LRRC49: variants seen among roughly 807,000 people sequenced by gnomAD.
The protein encoded by LRRC49 is leucine rich repeat containing 49, also known as leucine-rich repeat-containing protein 49.
Under a neutral mutation model 83.3 loss-of-function variants are expected in LRRC49, and 50 were observed. That is an observed-to-expected ratio of 0.60 (90% CI 0.48 to 0.76). The LOEUF (loss-of-function observed/expected upper bound fraction) is 0.76, where lower values mean the gene tolerates loss of function less well. Ranked by LOEUF, LRRC49 falls within the 30% of genes least tolerant of loss-of-function variation. The probability of loss-of-function intolerance (pLI) is 0.00; values close to 1 mark genes in which losing one functional copy is unlikely to be tolerated. For synonymous variants in LRRC49, 286 were observed against 283.3 expected (o/e 1.01, Z -0.10); for missense variants, 704 against 809.1 (o/e 0.87, Z 1.58).
In LRRC49 at chr15:70,902,979, C is replaced by T. The variant is rs373094668; in HGVS notation, c.297-1573C>T. ...GAGCCTTGGCACTGGGACTTAACCACTGTGTTTAGAATCAGAGAAAGTGAC... is the reference window on the plus strand; with the variant it reads ...GAGCCTTGGCACTGGGACTTAACCATTGTGTTTAGAATCAGAGAAAGTGAC... On this transcript the variant is annotated intron_variant, in intron 4 of 15. Coordinates refer to ENST00000260382, the MANE Select transcript of LRRC49 (RefSeq NM_017691.5). Among the ~76,000 whole-genome samples, 31 of 152,190 alleles carry T rather than the reference C, an allele frequency of 2.0e-4. 1 individual carries two copies. The South Asian group carries it at 6.2e-3, about 31-fold the overall frequency.
intron 12 of LRRC49, among the ~76,000 whole-genome samples, chr15:71,009,407 G>A (rs963256018): frequency 4.6e-5 from 7 of 151,772 alleles, no homozygotes; most frequent in African/African-American, 1.7e-4. Context: ...GAAAATTGTG[G>A]GGGCCTGTAT....
At chr15:70,952,564 C>T (rs1438691063) in intron 8 of LRRC49, among the ~76,000 whole-genome samples, 2 of 152,064 alleles carry the variant, frequency 1.3e-5, no homozygotes, top group Non-Finnish European at 2.9e-5. Flanking sequence ...TGTAGTCAGT[C>T]AGAGTATGTG....
chr15:71,008,967 G>A (rs1162648370), intron 12 of LRRC49, among the ~76,000 whole-genome samples: 1 of 151,802 alleles, frequency 6.6e-6, no homozygotes, highest in Non-Finnish European at 1.5e-5. Context: ...TATATTTACT[G>A]TATAATTTTT....
chr15:70,882,214 T>C (rs528670818), intron 2 of LRRC49: 10 of 382,720 alleles, frequency 2.6e-5, no homozygotes, highest in African/African-American at 8.3e-5. Flanking sequence ...GTAACCTGAT[T>C]TCTACCAAAA....
At chr15:70,894,656 C>T (rs1342344761) in intron 2 of LRRC49, 2 of 1,279,694 alleles carry the variant, frequency 1.6e-6, no homozygotes, top group African/African-American at 3.1e-5. Flanking sequence ...AAACCTCTAA[C>T]CATCACAATT....
At chr15:70,892,565 A>C, upstream of LRRC49, 2 of 1,490,778 alleles carry the variant, frequency 1.3e-6, no homozygotes, top group South Asian at 1.3e-5. Flanking sequence ...CGTAAAGAGG[A>C]ACGGACCGGA....
intron 9 of LRRC49, among the ~76,000 whole-genome samples, chr15:70,971,314 T>A (rs763537732): frequency 1.2e-4 from 19 of 152,204 alleles, no homozygotes; most frequent in Admixed American, 3.3e-4. Context: ...TAATCCTGAG[T>A]TCTAACGTGA....
At chr15:71,018,578 A>C (rs1397262015) in intron 14 of LRRC49, among the ~76,000 whole-genome samples, 2 of 152,164 alleles carry the variant, frequency 1.3e-5, no homozygotes, top group African/African-American at 2.4e-5. Context: ...AACCGAACTT[A>C]CTTTTCCTGC....
intron 15 of LRRC49, among the ~76,000 whole-genome samples, chr15:71,043,276 A>G (rs1355899153): frequency 5.9e-5 from 9 of 152,216 alleles, no homozygotes; most frequent in Admixed American, 3.3e-4. Flanking sequence ...AAATTGCTCT[A>G]TAACAAACCC....
chr15:70,928,355 C>G (rs1342659507), intron 7 of LRRC49, among the ~76,000 whole-genome samples: 1 of 152,044 alleles, frequency 6.6e-6, no homozygotes, highest in Non-Finnish European at 1.5e-5. Flanking sequence ...AGAGCTCTTT[C>G]AGTAATAAAC....
At chr15:70,948,991 G>C (rs940235779) in intron 8 of LRRC49, among the ~76,000 whole-genome samples, 1 of 152,142 alleles carries the variant, frequency 6.6e-6, no homozygotes, top group Non-Finnish European at 1.5e-5. Context: ...ATATGTAAAT[G>C]AATGGGCAGA....
chr15:71,034,792 A>C (rs952098119), intron 14 of LRRC49, among the ~76,000 whole-genome samples: 2 of 152,200 alleles, frequency 1.3e-5, no homozygotes, highest in Non-Finnish European at 2.9e-5. Context: ...CTAACACAGG[A>C]ACAGACAACC....
At chr15:71,013,014 A>G (rs888003381) in intron 14 of LRRC49, 101 bp downstream of exon 14, 1 of 736,210 alleles carries the variant, frequency 1.4e-6, no homozygotes, top group Non-Finnish European at 2.3e-6. Flanking sequence ...GTGTTCCATA[A>G]ACATGTATCC....
intron 8 of LRRC49, among the ~76,000 whole-genome samples, chr15:70,945,250 G>A (rs898839042): frequency 5.3e-5 from 8 of 152,170 alleles, no homozygotes; most frequent in African/African-American, 1.9e-4. Context: ...GCAGAAAGCC[G>A]AGATGAACGT....
At chr15:70,906,098 CTTT>C (rs976292654) in intron 5 of LRRC49, among the ~76,000 whole-genome samples, 3 of 130,830 alleles carry the variant, frequency 2.3e-5, no homozygotes, top group African/African-American at 2.8e-5. Context: ...ATTTTTTTTT[CTTT>C]TTTTTTTTTT....
chr15:70,919,182 A>G lies in LRRC49; in HGVS notation c.700A>G (p.Ile234Val), dbSNP rs1467487426. ...LTELNLRHNQ[I>V]TFVRDVDNLP... is the part of the protein sequence containing the mutation. Reference sequence around the variant, plus strand: ...TGAACTTAACTTGCGACACAATCAAATCACTTTCGTGGTGAGTATTAAAAT... The same window carrying G: ...TGAACTTAACTTGCGACACAATCAAGTCACTTTCGTGGTGAGTATTAAAAT... Residue 234 changes from isoleucine to valine, a missense_variant, in exon 7 of 16, where the codon ATC (isoleucine) becomes GTC (valine). Ile to Val is a conservative substitution (Grantham distance 29, BLOSUM62 3). Around this residue, in one of 3 missense-constraint regions of LRRC49, gnomAD observed 261 missense variants for 330.5 expected, o/e 0.79. Transcript: ENST00000260382. 5.6e-6 allele frequency: 9 copies of G among 1,611,320 alleles called. No homozygotes were observed. The highest frequency in any genetic ancestry group is 1.1e-5 in the South Asian group (1 of 90,340).
chr15:70,889,594 A>G (rs1054652455), upstream of LRRC49, among the ~76,000 whole-genome samples: 19 of 152,358 alleles, frequency 1.2e-4, no homozygotes, highest in African/African-American at 4.6e-4. Context: ...TGGGTTTTTT[A>G]AAAAAGAATG....
intron 7 of LRRC49, among the ~76,000 whole-genome samples, chr15:70,922,809 C>G (rs911725211): frequency 6.6e-6 from 1 of 151,600 alleles, no homozygotes; most frequent in Admixed American, 6.6e-5. Context: ...TAGGTACCCA[C>G]AAAAATTTAA....
intron 11 of LRRC49, among the ~76,000 whole-genome samples, chr15:70,998,812 T>A (rs1596121053): frequency 6.6e-6 from 1 of 152,246 alleles, no homozygotes. Context: ...GAAACTCCCA[T>A]TATGTTTATA....
Sources: allele counts gnomAD v4.1 joint callset (sites outside exome capture counted in the v4.1 genomes callset), GRCh38; gene constraint gnomAD v4.1.1; regional missense constraint gnomAD v4.1.1; transcripts MANE v1.5; gene names NCBI Gene and HGNC (gene_info 2026-07-23, HGNC 2026-07-21).